The following CNTNAP2 variants were observed in gnomAD, a reference collection of about 807,000 sequenced individuals.
CNTNAP2 encodes the protein contactin associated protein 2.
A neutral mutation model predicts 155.2 loss-of-function variants in CNTNAP2; 98 were observed. The ratio of observed to expected loss-of-function variants is 0.63; its 90% CI spans 0.54 to 0.75. The LOEUF (loss-of-function observed/expected upper bound fraction) is 0.75. Ranked by LOEUF, CNTNAP2 falls within the 30% of genes least tolerant of loss-of-function variation. The probability of loss-of-function intolerance (pLI) is 0.00; values close to 1 mark genes in which losing one functional copy is unlikely to be tolerated. For missense variants in CNTNAP2, 1,727 were observed against 1,688.1 expected, an observed-to-expected ratio of 1.02 and a Z score of -0.40; for synonymous variants, 651 against 631.2, an observed-to-expected ratio of 1.03 and a Z score of -0.47.
chr7:147,372,706 G>C (rs1417911380), intron 9 of CNTNAP2, among the ~76,000 whole-genome samples: 1 of 152,050 alleles, frequency 6.6e-6, no homozygotes, highest in Non-Finnish European at 1.5e-5. Context: ...TGATGGGAAG[G>C]AAGCTTTAGC....
At chr7:146,394,135 G>A (rs1346872667) in intron 1 of CNTNAP2, among the ~76,000 whole-genome samples, 3 of 152,096 alleles carry the variant, frequency 2.0e-5, no homozygotes, top group Non-Finnish European at 4.4e-5. Context: ...GCCAGGGTTA[G>A]TACACCATGT....
chr7:146,664,157 C>CTTTT (rs35241151), intron 1 of CNTNAP2, among the ~76,000 whole-genome samples: 2 of 68,452 alleles, frequency 2.9e-5, no homozygotes, highest in African/African-American at 6.0e-5. Context: ...CAATAAATTC[C>CTTTT]TTTTTTTTTT....
chr7:147,894,303 G>GA lies in CNTNAP2; in HGVS notation c.2099-9256dup, dbSNP rs1254493944. 4 of 152,238 alleles carry GA rather than the reference G, an allele frequency of 2.6e-5. No individual in the cohort carries two copies. The South Asian group carries it at 6.2e-4, about 24-fold the overall frequency. The allele number at this position is 152,238 out of a possible 1,614,324, so 9.4% of individuals were successfully genotyped here. On this transcript the variant is annotated intron_variant, in intron 13 of 23. Transcript: ENST00000361727. ...AGCTGAAATTTACTTATAAAGTGGA[G>GA]AAAAAAGATTTGGTAGTGGTAAGAA... is the stretch of plus-strand genomic sequence containing the variant.
intron 8 of CNTNAP2, among the ~76,000 whole-genome samples, chr7:147,159,220 T>A (rs1319366756): frequency 1.3e-5 from 2 of 152,112 alleles, no homozygotes; most frequent in African/African-American, 4.8e-5. Context: ...GTCATGTGTA[T>A]CTTTTAGGGG....
chr7:146,831,151 T>C (rs1308327008), intron 2 of CNTNAP2, among the ~76,000 whole-genome samples: 2 of 152,208 alleles, frequency 1.3e-5, no homozygotes, highest in African/African-American at 4.8e-5. Flanking sequence ...CCATTCATCT[T>C]TTTCCTAAAT....
At chr7:147,454,540 A>G (rs975537939) in intron 10 of CNTNAP2, among the ~76,000 whole-genome samples, 1 of 152,150 alleles carries the variant, frequency 6.6e-6, no homozygotes, top group African/African-American at 2.4e-5. Flanking sequence ...CAACAGAGCT[A>G]TGATTTCCGA....
rs115080859 is a variant in CNTNAP2 at position 147,987,293 on chromosome 7, G to T, written c.2383+9304G>T. On this transcript the variant is annotated intron_variant, in intron 15 of 23. Transcript: ENST00000361727. ...CCTGCGAAGGAAATCAGCTCTTTAA[G>T]ATTACTCAGTTACTCAACTTCAGCT... Among the ~76,000 whole-genome samples, 524 of 152,322 alleles carry T rather than the reference G, an allele frequency of 3.4e-3. 3 individuals are homozygous for T. The highest frequency in any genetic ancestry group is 0.012 in the African/African-American group (495 of 41,566).
intron 4 of CNTNAP2, among the ~76,000 whole-genome samples, chr7:147,100,366 G>A (rs1397179520): frequency 6.6e-6 from 1 of 152,164 alleles, no homozygotes; most frequent in Non-Finnish European, 1.5e-5. Flanking sequence ...ATTAAAATAT[G>A]TAGGAGTCAA....
intron 10 of CNTNAP2, among the ~76,000 whole-genome samples, chr7:147,443,548 A>G (rs1797679699): frequency 6.6e-6 from 1 of 152,144 alleles, no homozygotes; most frequent in South Asian, 2.1e-4. Context: ...TCCTTAGGAA[A>G]GTGCTTCTCT....
At chr7:147,219,399 G>A (rs557508969) in intron 8 of CNTNAP2, among the ~76,000 whole-genome samples, 1 of 152,236 alleles carries the variant, frequency 6.6e-6, no homozygotes, top group East Asian at 1.9e-4. Context: ...AAGAGCCCCT[G>A]GTAAATCACT....
intron 8 of CNTNAP2, among the ~76,000 whole-genome samples, chr7:147,136,227 T>A (rs192775070): frequency 1.4e-3 from 207 of 151,976 alleles, no homozygotes; most frequent in African/African-American, 4.7e-3. Flanking sequence ...TGGAAAAAAA[T>A]TAACTTCTCT....
At chr7:147,821,619 A>G (rs184407438) in intron 13 of CNTNAP2, among the ~76,000 whole-genome samples, 73 of 152,302 alleles carry the variant, frequency 4.8e-4, no homozygotes, top group Admixed American at 4.3e-3. Flanking sequence ...CTGAGATTGG[A>G]ATGCCAGGAA....
At chr7:147,653,415 G>A (rs539705412) in intron 13 of CNTNAP2, among the ~76,000 whole-genome samples, 6 of 152,258 alleles carry the variant, frequency 3.9e-5, no homozygotes, top group South Asian at 2.1e-4. Context: ...GGCAGAGCCC[G>A]GTGGGCAGCA....
chr7:147,282,290 T>C (rs1563145119), intron 8 of CNTNAP2, among the ~76,000 whole-genome samples: 1 of 151,904 alleles, frequency 6.6e-6, no homozygotes, highest in Non-Finnish European at 1.5e-5. Context: ...ATGAAACTCC[T>C]TTCTCAAATA....
At chr7:147,953,672 C>G (rs1292328606) in intron 14 of CNTNAP2, among the ~76,000 whole-genome samples, 1 of 152,110 alleles carries the variant, frequency 6.6e-6, no homozygotes, top group Non-Finnish European at 1.5e-5. Flanking sequence ...CCTAAAGCAA[C>G]AAAAATTTAC....
chr7:146,153,802 T>C lies in CNTNAP2; in HGVS notation c.97+36829T>C, dbSNP rs544832113. 2.6e-5 allele frequency among the ~76,000 whole-genome samples: 4 copies of C among 152,338 alleles called. No homozygotes were observed. The South Asian group carries it at 8.3e-4, about 32-fold the overall frequency. Reference sequence around the variant, plus strand: ...CACATTACATAAATCCATTGTCGTATGAATAATACGTAACAGCAATAATCT... The same window carrying C: ...CACATTACATAAATCCATTGTCGTACGAATAATACGTAACAGCAATAATCT... On this transcript the variant is annotated intron_variant, in intron 1 of 23. Coordinates refer to ENST00000361727, the MANE Select transcript of CNTNAP2 (RefSeq NM_014141.6).
At chr7:148,074,143 C>T (rs149889992) in intron 15 of CNTNAP2, among the ~76,000 whole-genome samples, 16 of 152,272 alleles carry the variant, frequency 1.1e-4, no homozygotes, top group African/African-American at 3.4e-4. Flanking sequence ...TAAGAGAGCC[C>T]GTTATTGGAA....
chr7:147,703,711 C>G (rs1424290510), intron 13 of CNTNAP2, among the ~76,000 whole-genome samples: 2 of 152,112 alleles, frequency 1.3e-5, no homozygotes, highest in Admixed American at 1.3e-4. Flanking sequence ...GTGTTGGGAA[C>G]ATTTCAAGTT....
At chr7:147,296,812 A>T (rs1307132322) in intron 8 of CNTNAP2, among the ~76,000 whole-genome samples, 9 of 152,184 alleles carry the variant, frequency 5.9e-5, no homozygotes, top group Admixed American at 3.3e-4. Context: ...GGAGATTGTT[A>T]CTATGGGCAC....
Sources: allele counts gnomAD v4.1 joint callset (sites outside exome capture counted in the v4.1 genomes callset), GRCh38; gene constraint gnomAD v4.1.1; transcripts MANE v1.5; gene names NCBI Gene and HGNC (gene_info 2026-07-23, HGNC 2026-07-21).